PTPRD: variants seen among roughly 807,000 people sequenced by gnomAD.
PTPRD encodes the protein receptor-type tyrosine-protein phosphatase delta.
In PTPRD, 34 loss-of-function variants were observed where a neutral mutation model predicts 214.5. The ratio of observed to expected loss-of-function variants is 0.16; its 90% CI spans 0.12 to 0.21. The LOEUF (loss-of-function observed/expected upper bound fraction) is 0.21, where lower values mean the gene tolerates loss of function less well. PTPRD is among the 10% of genes least tolerant of loss of function. The pLI is 1.00. For missense variants in PTPRD, 2,545 were observed against 2,398.7 expected (o/e 1.06, Z -1.27); for synonymous variants, 1,128 against 845.7 (o/e 1.33, Z -5.79).
intron 4 of PTPRD, among the ~76,000 whole-genome samples, chr9:9,985,359 C>A (rs1317267686): frequency 6.6e-6 from 1 of 152,124 alleles, no homozygotes; most frequent in Non-Finnish European, 1.5e-5. Context: ...ATACACAATA[C>A]AGTTAAGTTT....
At chr9:8,779,957 T>C (rs1432946924) in intron 11 of PTPRD, among the ~76,000 whole-genome samples, 2 of 152,120 alleles carry the variant, frequency 1.3e-5, no homozygotes, top group Non-Finnish European at 2.9e-5. Context: ...ATAATTACTG[T>C]TACTAACCAT....
chr9:10,109,677 G>T (rs1214991591), intron 3 of PTPRD, among the ~76,000 whole-genome samples: 1 of 152,082 alleles, frequency 6.6e-6, no homozygotes, highest in Non-Finnish European at 1.5e-5. Flanking sequence ...TGCTGTTATT[G>T]GTACCTGACA....
At chr9:10,608,209 A>C (rs541651346) in intron 2 of PTPRD, among the ~76,000 whole-genome samples, 1 of 152,142 alleles carries the variant, frequency 6.6e-6, no homozygotes, top group South Asian at 2.1e-4. Context: ...TCAGAGTGGG[A>C]AAAAGGAAGA....
chr9:10,447,098 A>T (rs1209379677), intron 2 of PTPRD, among the ~76,000 whole-genome samples: 1 of 152,140 alleles, frequency 6.6e-6, no homozygotes, highest in Non-Finnish European at 1.5e-5. Flanking sequence ...CTTTCATCCC[A>T]TGTATCCTGG....
intron 3 of PTPRD, among the ~76,000 whole-genome samples, chr9:10,083,972 A>G (rs2098285859): frequency 6.6e-6 from 1 of 152,062 alleles, no homozygotes; most frequent in Middle Eastern, 3.4e-3. Context: ...ATAGAGAACT[A>G]GGCTCAAGGT....
chr9:10,141,023 G>GA (rs1808405568), intron 3 of PTPRD, among the ~76,000 whole-genome samples: 1 of 152,030 alleles, frequency 6.6e-6, no homozygotes, highest in African/African-American at 2.4e-5. Context: ...AATAGATGCA[G>GA]AAAAGGCCTT....
chr9:9,007,535 A>T (rs2099483089), intron 11 of PTPRD, among the ~76,000 whole-genome samples: 1 of 151,962 alleles, frequency 6.6e-6, no homozygotes, highest in African/African-American at 2.4e-5. Context: ...ACCAAATACA[A>T]ACCTATCAAT....
intron 2 of PTPRD, among the ~76,000 whole-genome samples, chr9:10,389,420 A>T (rs1407919): frequency 0.87 from 132,342 of 151,820 alleles, 57,716 homozygotes; most frequent in African/African-American, 0.91. Flanking sequence ...GTTACTGATA[A>T]CCACTCAAGC....
chr9:9,463,494 G>A (rs1283198648), intron 8 of PTPRD, among the ~76,000 whole-genome samples: 1 of 151,956 alleles, frequency 6.6e-6, no homozygotes, highest in Non-Finnish European at 1.5e-5. Flanking sequence ...GAGGAGGCAG[G>A]CAAAGGAGAC....
intron 4 of PTPRD, among the ~76,000 whole-genome samples, chr9:9,949,358 CCTT>C (rs202215142): frequency 0.011 from 1,631 of 152,146 alleles, 18 homozygotes; most frequent in Non-Finnish European, 0.017. Flanking sequence ...CCCATTAACA[CCTT>C]CTTAATTATT....
chr9:9,917,898 A>T (rs2081392421), intron 5 of PTPRD, among the ~76,000 whole-genome samples: 1 of 147,920 alleles, frequency 6.8e-6, no homozygotes, highest in African/African-American at 2.5e-5. Flanking sequence ...CTCTAAATTA[A>T]TTAGGTATAA....
chr9:9,541,924 T>C (rs57920195), intron 8 of PTPRD, among the ~76,000 whole-genome samples: 34,839 of 150,840 alleles, frequency 0.23, 4,287 homozygotes, highest in Non-Finnish European at 0.26. Flanking sequence ...AGATAATGAC[T>C]CAAGATTCTA....
At chr9:10,362,946 G>C (rs981380657) in intron 2 of PTPRD, among the ~76,000 whole-genome samples, 2 of 152,014 alleles carry the variant, frequency 1.3e-5, no homozygotes, top group African/African-American at 4.8e-5. Context: ...TTAGAACCCA[G>C]AACAATGACT....
intron 21 of PTPRD, among the ~76,000 whole-genome samples, chr9:8,512,867 T>C (rs974522635): frequency 6.6e-5 from 10 of 151,994 alleles, no homozygotes; most frequent in Admixed American, 3.3e-4. Flanking sequence ...ATTTAATGCA[T>C]TAGGTTTGAG....
At chr9:10,277,196 A>AAAACAT (rs1402680376) in intron 3 of PTPRD, among the ~76,000 whole-genome samples, 3 of 152,208 alleles carry the variant, frequency 2.0e-5, no homozygotes, top group African/African-American at 4.8e-5. Context: ...ACATAAACAT[A>AAAACAT]AAACATAAAC....
chr9:10,591,261 G>C (rs2075373929), intron 2 of PTPRD, among the ~76,000 whole-genome samples: 1 of 151,950 alleles, frequency 6.6e-6, no homozygotes, highest in Non-Finnish European at 1.5e-5. Flanking sequence ...TGGTGCATGT[G>C]TATGTGTGTA....
At chr9:9,790,325 C>T (rs1197863873) in intron 5 of PTPRD, among the ~76,000 whole-genome samples, 1 of 152,134 alleles carries the variant, frequency 6.6e-6, no homozygotes, top group Non-Finnish European at 1.5e-5. Flanking sequence ...TGTTTCCTGC[C>T]GCTGAAAGCC....
rs60317704 is a variant in PTPRD, at chr9:8,592,014, G to A, written c.352+41303C>T. Among the ~76,000 whole-genome samples, 753 of 152,122 alleles carry A rather than the reference G, an allele frequency of 4.9e-3. 9 individuals are homozygous for A. The highest frequency in any genetic ancestry group is 0.017 in the African/African-American group (712 of 41,486). Reference sequence around the variant, plus strand: ...TTAATTCCAGTCCAGCCTTGTAATCGCATATATTTATTAAAATAACTTTGA... The same window carrying A: ...TTAATTCCAGTCCAGCCTTGTAATCACATATATTTATTAAAATAACTTTGA... On this transcript the variant is annotated intron_variant, in intron 14 of 45. Transcript: ENST00000381196.
chr9:8,677,273 T>C (rs1277352078), intron 12 of PTPRD, among the ~76,000 whole-genome samples: 1 of 152,288 alleles, frequency 6.6e-6, no homozygotes, highest in Admixed American at 6.5e-5. Flanking sequence ...TCAACCTAAA[T>C]GTTCATCAAC....
Sources: allele counts gnomAD v4.1 joint callset (sites outside exome capture counted in the v4.1 genomes callset), GRCh38; gene constraint gnomAD v4.1.1; transcripts MANE v1.5; gene names NCBI Gene and HGNC (gene_info 2026-07-23, HGNC 2026-07-21).